STPG2: variants seen among roughly 807,000 people sequenced by gnomAD.
STPG2 encodes sperm-tail PG-rich repeat-containing protein 2.
STPG2 carries 56 observed loss-of-function variants against 54.2 expected under a neutral mutation model. That is an observed-to-expected ratio of 1.03 (90% CI 0.83 to 1.29). The LOEUF (loss-of-function observed/expected upper bound fraction) is 1.29. Among genes scored for constraint, STPG2 ranks in the 50% most tolerant of loss-of-function variants. The pLI is 0.00. For synonymous variants in STPG2, 200 were observed against 181.8 expected, an observed-to-expected ratio of 1.10 and a Z score of -0.81; for missense variants, 596 against 544.9, an observed-to-expected ratio of 1.09 and a Z score of -0.93.
At chr4:97,576,751 C>A (rs1443847438) in intron 10 of STPG2, among the ~76,000 whole-genome samples, 1 of 152,042 alleles carries the variant, frequency 6.6e-6, no homozygotes, top group Admixed American at 6.6e-5. Flanking sequence ...GCAAGTGGTA[C>A]CTCATTAAAT....
At chr4:97,724,361 T>C (rs1434511659) in intron 9 of STPG2, among the ~76,000 whole-genome samples, 1 of 152,188 alleles carries the variant, frequency 6.6e-6, no homozygotes, top group Non-Finnish European at 1.5e-5. Context: ...GTCATCACAT[T>C]CAAGTGCCTA....
chr4:97,572,584 G>A (rs1434237677), intron 10 of STPG2: 2 of 152,088 alleles, frequency 1.3e-5, no homozygotes, highest in Non-Finnish European at 2.9e-5. Context: ...GAAATATCAT[G>A]CCTTATTTAT....
intron 10 of STPG2, among the ~76,000 whole-genome samples, chr4:97,695,367 A>T (rs1490970098): frequency 6.6e-6 from 1 of 152,194 alleles, no homozygotes; most frequent in Non-Finnish European, 1.5e-5. Flanking sequence ...GCCATTTATG[A>T]CAAACCCACA....
chr4:97,496,020 A>C (rs1363990230), intron 4 of STPG2, among the ~76,000 whole-genome samples: 3 of 151,610 alleles, frequency 2.0e-5, no homozygotes, highest in Non-Finnish European at 3.0e-5. Flanking sequence ...AATGATTTAC[A>C]CACACAAACA....
At chr4:98,013,668 G>A (rs1294475759) in intron 5 of STPG2, among the ~76,000 whole-genome samples, 1 of 142,908 alleles carries the variant, frequency 7.0e-6, no homozygotes, top group Non-Finnish European at 1.5e-5. Context: ...TCTATTCAGG[G>A]ATATGATTTC....
chr4:97,565,128 C>A (rs955439640), intron 10 of STPG2, among the ~76,000 whole-genome samples: 1 of 152,058 alleles, frequency 6.6e-6, no homozygotes, highest in African/African-American at 2.4e-5. Flanking sequence ...AGGCTTTGTT[C>A]GTTTCTTTTT....
rs140228561 is a variant in STPG2, at chr4:97,577,648, G to A, written c.1321-18531C>T. ...TGGGTATTATGCTCAGTACATGGGT[G>A]ACAGGATCAATCATACCCCAAACCT... is the stretch of plus-strand genomic sequence containing the variant. On this transcript the variant is annotated intron_variant, in intron 10 of 10. Coordinates refer to ENST00000295268, the MANE Select transcript of STPG2 (RefSeq NM_174952.3). Among the ~76,000 whole-genome samples the A allele has an allele frequency of 2.6e-5, 4 of 152,212 alleles. No individual in the cohort carries two copies. The East Asian group carries it at 7.7e-4, about 29-fold the overall frequency.
In STPG2 at chr4:97,764,062, A is replaced by C. The variant is rs376108098; in HGVS notation, c.1205-51248T>G. Among the ~76,000 whole-genome samples, 287 of 151,290 alleles carry C rather than the reference A, an allele frequency of 1.9e-3. 2 individuals are homozygous for C. The highest frequency in any genetic ancestry group is 6.3e-3 in the African/African-American group (259 of 41,138). On this transcript the variant is annotated intron_variant, in intron 9 of 10. Coordinates refer to ENST00000295268, the MANE Select transcript of STPG2 (RefSeq NM_174952.3). The stretch of plus-strand genomic sequence containing the variant: ...CATGCTCAGAATCACAGAACATGGT[A>C]GAGCTTCTGCTTGGATCCCTCTTCA...
intron 10 of STPG2, among the ~76,000 whole-genome samples, chr4:97,675,729 C>T (rs191965384): frequency 9.2e-5 from 14 of 151,476 alleles, no homozygotes; most frequent in Admixed American, 5.9e-4. Flanking sequence ...CACCTTCCCT[C>T]CTGGGTTGAC....
At chr4:97,747,254 A>C (rs1725446083) in intron 9 of STPG2, among the ~76,000 whole-genome samples, 1 of 151,316 alleles carries the variant, frequency 6.6e-6, no homozygotes. Context: ...AAGTTTCAAA[A>C]CTTCATATTA....
At chr4:98,138,475 C>T (rs573810232) in intron 1 of STPG2, among the ~76,000 whole-genome samples, 57 of 152,058 alleles carry the variant, frequency 3.7e-4, no homozygotes, top group African/African-American at 1.3e-3. Flanking sequence ...AGTCAGTCTA[C>T]GCTGAGAAAG....
At chr4:97,675,672 T>A (rs2148973212) in intron 10 of STPG2, among the ~76,000 whole-genome samples, 1 of 151,598 alleles carries the variant, frequency 6.6e-6, no homozygotes. Context: ...TGTGGGTGCA[T>A]TTGTGTGTGT....
At chr4:97,647,505 C>T (rs1175156893) in intron 10 of STPG2, among the ~76,000 whole-genome samples, 4 of 152,118 alleles carry the variant, frequency 2.6e-5, no homozygotes. Flanking sequence ...CTAGAATCCC[C>T]ACCCTGCCAG....
intron 10 of STPG2, among the ~76,000 whole-genome samples, chr4:97,564,601 C>T (rs1000238532): frequency 3.7e-4 from 56 of 152,118 alleles, no homozygotes; most frequent in Non-Finnish European, 7.6e-4. Context: ...TTAGTGCTTC[C>T]TTCAGGACCT....
intron 8 of STPG2, among the ~76,000 whole-genome samples, chr4:97,884,875 T>G (rs1220166772): frequency 6.6e-6 from 1 of 152,094 alleles, no homozygotes; most frequent in East Asian, 1.9e-4. Flanking sequence ...CTTTTCCTTC[T>G]CACGGTTCAA....
intron 10 of STPG2, among the ~76,000 whole-genome samples, chr4:97,675,250 G>A (rs1035792388): frequency 7.2e-5 from 11 of 152,010 alleles, no homozygotes; most frequent in East Asian, 1.9e-4. Context: ...TGATCCACCC[G>A]CCTCGGCCTC....
At chr4:97,712,244 G>T (rs952357911) in intron 10 of STPG2, among the ~76,000 whole-genome samples, 7 of 152,216 alleles carry the variant, frequency 4.6e-5, no homozygotes, top group Admixed American at 1.3e-4. Flanking sequence ...TAGGTTAAAA[G>T]ACACCTTTAT....
chr4:98,050,410 T>G (rs1190199167), intron 5 of STPG2, among the ~76,000 whole-genome samples: 10 of 152,000 alleles, frequency 6.6e-5, no homozygotes, highest in African/African-American at 1.9e-4. Context: ...TCCACTTTTG[T>G]GTTTGTTTTG....
rs564223589 is a variant in STPG2 at position 97,793,876 on chromosome 4, T to C, written c.1204+46897A>G. ...CAAACAGGTGAAATAGGGGTGGAGA[T>C]GTAGAATTGTGGCTAAGACCTGAAT... On this transcript the variant is annotated intron_variant, in intron 9 of 10. Transcript: ENST00000295268. Among the ~76,000 whole-genome samples, 7 of 152,130 alleles carry C rather than the reference T, an allele frequency of 4.6e-5. No individual in the cohort carries two copies. The South Asian group carries it at 8.3e-4, about 18-fold the overall frequency.
Sources: allele counts gnomAD v4.1 joint callset (sites outside exome capture counted in the v4.1 genomes callset), GRCh38; gene constraint gnomAD v4.1.1; transcripts MANE v1.5; gene names NCBI Gene and HGNC (gene_info 2026-07-23, HGNC 2026-07-21).